STK32B: variants seen among roughly 807,000 people sequenced by gnomAD.
The protein encoded by STK32B is serine/threonine kinase 32B.
Under a neutral mutation model 52.6 loss-of-function variants are expected in STK32B, and 43 were observed. The ratio of observed to expected loss-of-function variants is 0.82; its 90% CI spans 0.64 to 1.05. The LOEUF (loss-of-function observed/expected upper bound fraction) is 1.05. STK32B is among the 50% of genes least tolerant of loss of function. The probability of loss-of-function intolerance (pLI) is 0.00; values close to 1 mark genes in which losing one functional copy is unlikely to be tolerated. For synonymous variants in STK32B, 238 were observed against 204.3 expected (o/e 1.17, Z -1.41); for missense variants, 621 against 534.6 (o/e 1.16, Z -1.59).
chr4:5,120,695 G>C (rs1714977808), intron 1 of STK32B, among the ~76,000 whole-genome samples: 1 of 152,046 alleles, frequency 6.6e-6, no homozygotes, highest in South Asian at 2.1e-4. Flanking sequence ...GAGAATTTTT[G>C]AGATTTCCTG....
chr4:5,243,084 C>G (rs1198663482), intron 3 of STK32B, among the ~76,000 whole-genome samples: 1 of 152,060 alleles, frequency 6.6e-6, no homozygotes, highest in Admixed American at 6.5e-5. Flanking sequence ...TCCATATGAA[C>G]TTTAAAGTAG....
intron 4 of STK32B, among the ~76,000 whole-genome samples, chr4:5,355,487 G>A (rs545170762): frequency 3.4e-4 from 52 of 152,170 alleles, no homozygotes; most frequent in African/African-American, 1.2e-3. Flanking sequence ...CTATCCACCT[G>A]GTTAACTTTT....
rs143602033 is a variant in STK32B, at chr4:5,417,858, G to A, written c.562+924G>A. On this transcript the variant is annotated intron_variant, in intron 6 of 11. Transcript: ENST00000282908. ...TTTGGCTGGGCTCACTCATGAAGACGCATTCAACTGGTAGGTCAGCTGGGA... is the reference window on the plus strand; with the variant it reads ...TTTGGCTGGGCTCACTCATGAAGACACATTCAACTGGTAGGTCAGCTGGGA... Among the ~76,000 whole-genome samples, 238 of 152,294 alleles carry A rather than the reference G, an allele frequency of 1.6e-3. 1 individual carries two copies. Among genetic ancestry groups the A allele is most frequent in the African/African-American group, 5.5e-3 (228 of 41,570 alleles).
chr4:5,431,235 T>C (rs1325779126), intron 6 of STK32B, among the ~76,000 whole-genome samples: 2 of 152,206 alleles, frequency 1.3e-5, no homozygotes, highest in African/African-American at 2.4e-5. Flanking sequence ...GAGAAGTGTG[T>C]AGGGCCAGAT....
rs1736759484 is a variant in STK32B at position 5,394,496 on chromosome 4, A to T, written c.435-3711A>T. Among the ~76,000 whole-genome samples the T allele has an allele frequency of 6.6e-6, 1 of 152,204 alleles. No individual in the cohort carries two copies. The highest frequency in any genetic ancestry group is 6.5e-5 in the Admixed American group (1 of 15,282). Reference sequence around the variant, plus strand: ...ACCCATAAAATGCTATTCTTATTAAATCCCAAGTGATTCAGATTCTCCATC... The same window carrying T: ...ACCCATAAAATGCTATTCTTATTAATTCCCAAGTGATTCAGATTCTCCATC... On this transcript the variant is annotated intron_variant, in intron 4 of 11. Coordinates refer to ENST00000282908, the MANE Select transcript of STK32B (RefSeq NM_018401.3). This position sits in a 1 kb window ranked among gnomAD's most constrained non-coding sequence, Gnocchi z 4.2.
intron 6 of STK32B, among the ~76,000 whole-genome samples, chr4:5,425,876 T>C (rs1420822389): frequency 6.6e-6 from 1 of 152,206 alleles, no homozygotes; most frequent in East Asian, 1.9e-4. Flanking sequence ...TGAGATCATA[T>C]TGTATACAGC....
chr4:5,245,882 A>G (rs1725413153), intron 3 of STK32B, among the ~76,000 whole-genome samples: 1 of 152,180 alleles, frequency 6.6e-6, no homozygotes, highest in Non-Finnish European at 1.5e-5. Flanking sequence ...CTTTTCTTTA[A>G]GAATGTTGAA....
intron 3 of STK32B, among the ~76,000 whole-genome samples, chr4:5,304,179 A>G (rs7670982): frequency 0.13 from 19,457 of 151,906 alleles, 2,702 homozygotes; most frequent in African/African-American, 0.36. Context: ...TTGATTCCAT[A>G]TGAATTTTAG....
intron 11 of STK32B, among the ~76,000 whole-genome samples, chr4:5,475,275 A>G (rs1021130241): frequency 6.6e-6 from 1 of 151,388 alleles, no homozygotes; most frequent in Non-Finnish European, 1.5e-5. Flanking sequence ...ACAAAGAAAC[A>G]TTAGCTGGGT....
intron 2 of STK32B, among the ~76,000 whole-genome samples, chr4:5,146,852 T>G (rs1262099816): frequency 6.6e-6 from 1 of 152,218 alleles, no homozygotes; most frequent in Non-Finnish European, 1.5e-5. Context: ...AATCAGGTAG[T>G]ATAAGTCCTC....
At chr4:5,370,716 G>A (rs1268493974) in intron 4 of STK32B, among the ~76,000 whole-genome samples, 4 of 152,026 alleles carry the variant, frequency 2.6e-5, no homozygotes, top group Admixed American at 1.3e-4. Flanking sequence ...CTGACAGCCG[G>A]GCATAGTGGC....
chr4:5,400,534 G>A lies in STK32B; in HGVS notation c.472+2290G>A, dbSNP rs1737225992. Among the ~76,000 whole-genome samples, 1 of 152,118 alleles carries A rather than the reference G, an allele frequency of 6.6e-6. No homozygotes were observed. The highest frequency in any genetic ancestry group is 2.4e-5 in the African/African-American group (1 of 41,422). ...ATCGAAAAGTCTCTGCTAGCTGGTG[G>A]GACAGAGCGTTGAATATAATATTTC... On this transcript the variant is annotated intron_variant, in intron 5 of 11. Coordinates refer to ENST00000282908, the MANE Select transcript of STK32B (RefSeq NM_018401.3). The surrounding 1 kb of genome is among the most constrained non-coding windows in gnomAD (Gnocchi z 6.1).
rs3733181 is a variant in STK32B, at chr4:5,448,396, A to G, written c.666+1620A>G. Among the ~76,000 whole-genome samples, 716 of 152,334 alleles carry G rather than the reference A, an allele frequency of 4.7e-3. 17 individuals carry two copies. The East Asian group carries it at 0.068, about 15-fold the overall frequency. ...ACTCAGAGGAGGAATATGAGGGTCC[A>G]CGATGTCGTAGGAACCAGAACACAC... On this transcript the variant is annotated intron_variant, in intron 7 of 11. Transcript: ENST00000282908.
chr4:5,060,083 C>T (rs141576880), intron 1 of STK32B, among the ~76,000 whole-genome samples: 3,914 of 152,266 alleles, frequency 0.026, 136 homozygotes, highest in African/African-American at 0.085. Context: ...TCTCCTGCCT[C>T]GGCCTCCCGA....
intron 3 of STK32B, among the ~76,000 whole-genome samples, chr4:5,195,718 G>C (rs549587187): frequency 6.6e-6 from 1 of 152,298 alleles, no homozygotes; most frequent in Admixed American, 6.5e-5. Context: ...GATTACCTGT[G>C]TTCTAGATGA....
intron 3 of STK32B, among the ~76,000 whole-genome samples, chr4:5,192,425 G>T (rs1721283363): frequency 6.6e-6 from 1 of 152,130 alleles, no homozygotes; most frequent in Non-Finnish European, 1.5e-5. Flanking sequence ...TTATTTAGAA[G>T]ACACTAGCCC....
intron 2 of STK32B, among the ~76,000 whole-genome samples, chr4:5,157,957 A>T (rs1718000877): frequency 6.6e-6 from 1 of 152,150 alleles, no homozygotes. Flanking sequence ...GTTGGAATCC[A>T]TTTCTTTTTA....
chr4:5,484,992 C>T (rs545715939), intron 11 of STK32B, among the ~76,000 whole-genome samples: 1 of 152,092 alleles, frequency 6.6e-6, no homozygotes, highest in Non-Finnish European at 1.5e-5. Context: ...TTGTGGGTAA[C>T]CCGACCTTTC....
chr4:5,241,081 GT>G (rs1335181309), intron 3 of STK32B, among the ~76,000 whole-genome samples: 11 of 151,976 alleles, frequency 7.2e-5, no homozygotes, highest in Non-Finnish European at 1.6e-4. Flanking sequence ...TTATATCATA[GT>G]TTTTTTCTTT....
Sources: gnomAD v4.1 joint callset for allele counts (sites outside exome capture counted in the v4.1 genomes callset) on GRCh38, gnomAD v4.1.1 for gene constraint, Gnocchi (gnomAD v3.1) non-coding constraint, MANE v1.5 for transcripts, NCBI Gene and HGNC (gene_info 2026-07-23, HGNC 2026-07-21) for gene names.